Variants in SCYL3 observed in about 807,000 individuals in gnomAD.
SCYL3 encodes SCY1 like pseudokinase 3.
In SCYL3, 35 loss-of-function variants were observed where a neutral mutation model predicts 73.8. That is an observed-to-expected ratio of 0.47 (90% CI 0.36 to 0.63). The LOEUF is 0.63. SCYL3 is among the 20% of genes least tolerant of loss of function. The pLI, the probability that SCYL3 is intolerant of heterozygous loss-of-function variation, is 0.00. For synonymous variants in SCYL3, 277 were observed against 295.2 expected, an observed-to-expected ratio of 0.94 and a Z score of 0.63; for missense variants, 712 against 798.9, an observed-to-expected ratio of 0.89 and a Z score of 1.31.
At chr1:169,853,811 A>AAATC (rs764496269) in intron 12 of SCYL3, 39 bp from the exon 13 acceptor site, 84 of 1,592,386 alleles carry the variant, frequency 5.3e-5, no homozygotes, top group Non-Finnish European at 5.9e-5. Context: ...CCACTGAAAC[A>AAATC]AATCATATGC....
chr1:169,849,742 A>G lies in SCYL3; in HGVS notation c.*3971T>C. 1.5e-6 allele frequency: 1 copy of G among 645,200 alleles called. No homozygotes were observed. Among genetic ancestry groups the G allele is most frequent in the East Asian group, 2.8e-5 (1 of 36,248 alleles). The allele number at this position is 645,200 out of a possible 1,614,324, so 40.0% of individuals were successfully genotyped here. On this transcript the variant is annotated 3_prime_UTR_variant, in exon 13 of 13. Transcript: ENST00000367771. ...TTGTCTGAAGGGTACATTACTCGTT[A>G]TCTCTTTTACAGCTTCTCAAAATGA... is the stretch of plus-strand genomic sequence containing the variant.
At chr1:169,862,320 T>C (rs534462901) in intron 10 of SCYL3, among the ~76,000 whole-genome samples, 3 of 152,348 alleles carry the variant, frequency 2.0e-5, no homozygotes, top group South Asian at 4.1e-4. Context: ...ATAATAATTA[T>C]GGATAATTAT....
At position 169,893,887 on chromosome 1, in the gene SCYL3, T is replaced by C. The variant is rs1034224492; in HGVS notation, c.-150A>G. The stretch of plus-strand genomic sequence containing the variant: ...CCACCCCTGCCTGCCTGTAAGGCTG[T>C]GGCCACTACACCCACAATCTTCTGG... On this transcript the variant is annotated 5_prime_UTR_variant, in exon 1 of 13. Transcript: ENST00000367771. 4.6e-5 allele frequency: 7 copies of C among 152,810 alleles called. No individual in the cohort carries two copies. Among genetic ancestry groups the C allele is most frequent in the Non-Finnish European group, 7.3e-5 (5 of 68,550 alleles). 9.5% of individuals were successfully genotyped at this position (152,810 alleles called of 1,614,324 possible).
At chr1:169,862,056 G>C (rs917874764) in intron 10 of SCYL3, among the ~76,000 whole-genome samples, 1 of 152,204 alleles carries the variant, frequency 6.6e-6, no homozygotes, top group Non-Finnish European at 1.5e-5. Context: ...AGGAAGCAGG[G>C]TCCTGTTGAC....
Position 169,852,107 on chromosome 1 carries a change from G to A in SCYL3, c.*1606C>T, listed in dbSNP as rs186191146. On this transcript the variant is annotated 3_prime_UTR_variant, in exon 13 of 13. Coordinates refer to ENST00000367771, the MANE Select transcript of SCYL3 (RefSeq NM_020423.7). ...GTAGTTGCTTTTAAAATTAAGAAGT[G>A]GGACTACACCATATCAAATATATTC... 6.0e-5 allele frequency: 48 copies of A among 793,632 alleles called. No individual in the cohort carries two copies. The highest frequency in any genetic ancestry group is 4.1e-6 in the Non-Finnish European group (2 of 486,188). The allele number at this position is 793,632 out of a possible 1,614,324, so 49.2% of individuals were successfully genotyped here.
intron 2 of SCYL3, among the ~76,000 whole-genome samples, chr1:169,882,438 C>T (rs6678351): frequency 0.18 from 28,104 of 152,158 alleles, 3,431 homozygotes; most frequent in Middle Eastern, 0.3. Flanking sequence ...TGACCAGCGC[C>T]GCCCCCTGCT....
intron 10 of SCYL3, among the ~76,000 whole-genome samples, chr1:169,860,852 G>A (rs1659584617): frequency 6.6e-6 from 1 of 152,116 alleles, no homozygotes; most frequent in Non-Finnish European, 1.5e-5. Flanking sequence ...CAGCTTCCTA[G>A]CTTATCTCCC....
intron 5 of SCYL3, among the ~76,000 whole-genome samples, chr1:169,870,884 A>C (rs1262250250): frequency 3.9e-5 from 6 of 152,206 alleles, no homozygotes; most frequent in African/African-American, 1.4e-4. Context: ...TTCAAGTCTT[A>C]GGTCTATACT....
chr1:169,865,303 T>C (rs1234929036), intron 8 of SCYL3, among the ~76,000 whole-genome samples: 1 of 152,200 alleles, frequency 6.6e-6, no homozygotes, highest in Non-Finnish European at 1.5e-5. Flanking sequence ...GCAGATATCC[T>C]TGCCTCCTAC....
At chr1:169,883,036 G>A (rs1287574407) in intron 2 of SCYL3, among the ~76,000 whole-genome samples, 1 of 152,084 alleles carries the variant, frequency 6.6e-6, no homozygotes, top group Non-Finnish European at 1.5e-5. Context: ...GGTCCACACT[G>A]CCTTTATGAG....
intron 7 of SCYL3, among the ~76,000 whole-genome samples, chr1:169,867,698 C>G (rs1660130756): frequency 6.6e-6 from 1 of 152,236 alleles, no homozygotes; most frequent in Non-Finnish European, 1.5e-5. Flanking sequence ...TCTAATCAAT[C>G]AAATTGGTTC....
At chr1:169,893,415 C>A (rs1028478150) in intron 1 of SCYL3, among the ~76,000 whole-genome samples, 16 of 152,072 alleles carry the variant, frequency 1.1e-4, no homozygotes, top group African/African-American at 3.9e-4. Flanking sequence ...GCCCTGCTTG[C>A]CGCGACCCCG....
rs568128308 is a variant in SCYL3 at position 169,854,556 on chromosome 1, C to T, written c.1721G>A (p.Arg574Lys). Residue 574 changes from arginine to lysine, a missense_variant, in exon 12 of 13, where the codon AGG (arginine) becomes AAG (lysine). Coordinates refer to ENST00000367771, the MANE Select transcript of SCYL3 (RefSeq NM_020423.7). ...CTCGATTTGGTCTGCGTCATCCCCC[C>T]TTTGTACAAGGCTAATCTTTTGGGG... ...SLPQKISLVQ[R>K]GDDADQIEPP... is the part of the protein sequence containing the mutation. 4.2e-5 allele frequency: 67 copies of T among 1,613,862 alleles called. 1 individual carries two copies. In the South Asian group the frequency reaches 7.0e-4, roughly 17 times the overall value.
rs1658406662 is a variant in SCYL3, at chr1:169,851,988, T to C, written c.*1725A>G. On this transcript the variant is annotated 3_prime_UTR_variant, in exon 13 of 13. Coordinates refer to ENST00000367771, the MANE Select transcript of SCYL3 (RefSeq NM_020423.7). The stretch of plus-strand genomic sequence containing the variant: ...AACTTTAACAAGGCAAATTCTGCCC[T>C]TTTTACTTACTGACGAAACAAACCA... The C allele has an allele frequency of 2.5e-6, 4 of 1,612,696 alleles. No homozygotes were observed. The highest frequency in any genetic ancestry group is 1.7e-5 in the Admixed American group (1 of 59,960).
chr1:169,885,612 TA>T (rs796165776), intron 2 of SCYL3, among the ~76,000 whole-genome samples: 28 of 152,252 alleles, frequency 1.8e-4, no homozygotes, highest in African/African-American at 6.5e-4. Context: ...TTTTTTTTTG[TA>T]AATGTCCACT....
rs757553782 is a variant in SCYL3 at position 169,862,760 on chromosome 1, T to C, written c.993A>G (p.Pro331=). Residue 331 remains proline, a synonymous_variant, in exon 10 of 13, where the codon CCA becomes CCG. Coordinates refer to ENST00000367771, the MANE Select transcript of SCYL3 (RefSeq NM_020423.7). ...AQGETPCLLS[P]ALFQSRVIPV... ...GGATCACCCGTGACTGGAACAGGGC[T>C]GGTGAGAGCAAGCAAGGAGTTTCTC... 5.0e-6 allele frequency: 8 copies of C among 1,614,232 alleles called. No individual in the cohort carries two copies. Among genetic ancestry groups the C allele is most frequent in the South Asian group, 1.1e-5 (1 of 91,076 alleles).
In SCYL3 at chr1:169,850,472, C is replaced by T. The variant is rs924845348; in HGVS notation, c.*3241G>A. On this transcript the variant is annotated 3_prime_UTR_variant, in exon 13 of 13. Transcript: ENST00000367771. ...TTCACAGTGCTGAGCACAGTGCTGACGACTTTTACTAAGCAATTGAGGCCA... is the reference window on the plus strand; with the variant it reads ...TTCACAGTGCTGAGCACAGTGCTGATGACTTTTACTAAGCAATTGAGGCCA... 23 of 628,388 alleles carry T rather than the reference C, an allele frequency of 3.7e-5. No homozygotes were observed. In the African/African-American group the frequency reaches 3.9e-4, roughly 11 times the overall value. The allele number at this position is 628,388 out of a possible 1,614,324, so 38.9% of individuals were successfully genotyped here. A position where few individuals can be genotyped will look rare whatever the true frequency, so the allele number is the denominator to read the frequency against.
intron 11 of SCYL3, 21 bp from the exon 12 acceptor site, chr1:169,854,985 CTCA>C (rs767614339): frequency 6.6e-6 from 10 of 1,519,620 alleles, no homozygotes; most frequent in Admixed American, 1.9e-5. Flanking sequence ...AATAATTATT[CTCA>C]TAAAATACTG....
In SCYL3 at chr1:169,866,884, T is replaced by C. The variant is rs1471327136; in HGVS notation, c.815+12A>G. 3.5e-6 allele frequency: 5 copies of C among 1,422,170 alleles called. No individual in the cohort carries two copies. Among genetic ancestry groups the C allele is most frequent in the Non-Finnish European group, 4.9e-6 (5 of 1,014,698 alleles). 88.1% of individuals were successfully genotyped at this position (1,422,170 alleles called of 1,614,324 possible). ...AGTTATTCAATTTAAATTCTTAATT[T>C]TCTGAACTTACTTAAAGAATTCCGT... On this transcript the variant is annotated intron_variant, in intron 8 of 12. Transcript: ENST00000367771.
Sources: allele counts gnomAD v4.1 joint callset (sites outside exome capture counted in the v4.1 genomes callset), GRCh38; gene constraint gnomAD v4.1.1; transcripts MANE v1.5; gene names NCBI Gene and HGNC (gene_info 2026-07-23, HGNC 2026-07-21).